The following RFX7 variants were observed in gnomAD, a reference collection of about 807,000 sequenced individuals.
RFX7 encodes the protein DNA-binding protein RFX7.
In RFX7, 26 loss-of-function variants were observed where a neutral mutation model predicts 111.8. That is an observed-to-expected ratio of 0.23 (90% confidence interval 0.17 to 0.32). The LOEUF is 0.32. Ranked by LOEUF, RFX7 falls within the 10% of genes least tolerant of loss-of-function variation. The pLI is 1.00. For synonymous variants in RFX7, 624 were observed against 624.4 expected (o/e 1.00, Z 0.01); for missense variants, 1,573 against 1,772.9 (o/e 0.89, Z 2.02).
chr15:56,237,670 A>G (rs2043639392), intron 2 of RFX7, among the ~76,000 whole-genome samples: 1 of 152,198 alleles, frequency 6.6e-6, no homozygotes, highest in African/African-American at 2.4e-5. Flanking sequence ...ACACCTTTCA[A>G]TGGAGAGAGC....
upstream of RFX7, chr15:56,243,903 C>T (rs2043765250): frequency 6.7e-6 from 1 of 149,188 alleles, no homozygotes; most frequent in African/African-American, 2.4e-5. Flanking sequence ...GCGCAGACCG[C>T]ACAACACCTA....
chr15:56,245,037 C>G (rs1017434872), upstream of RFX7, among the ~76,000 whole-genome samples: 1 of 152,154 alleles, frequency 6.6e-6, no homozygotes, highest in East Asian at 1.9e-4. Flanking sequence ...TCAGCTTTAA[C>G]TTTTCTGATA....
At chr15:56,099,697 T>A (rs1364642206) in intron 8 of RFX7, among the ~76,000 whole-genome samples, 1 of 151,734 alleles carries the variant, frequency 6.6e-6, no homozygotes, top group Non-Finnish European at 1.5e-5. Flanking sequence ...TTTTGAAAAA[T>A]ATAGTAAGGG....
chr15:56,175,958 T>A (rs1009998035), intron 3 of RFX7, among the ~76,000 whole-genome samples: 1 of 152,126 alleles, frequency 6.6e-6, no homozygotes, highest in Non-Finnish European at 1.5e-5. Flanking sequence ...TACTGAACTT[T>A]AGGTAGTAGT....
rs2041564005 is a variant in RFX7, at chr15:56,089,046, G to C, written c.*4299C>G. The C allele has an allele frequency of 6.6e-6, 1 of 152,118 alleles. No individual in the cohort carries two copies. The highest frequency in any genetic ancestry group is 1.5e-5 in the Non-Finnish European group (1 of 68,026). 9.4% of individuals were successfully genotyped at this position (152,118 alleles called of 1,614,324 possible). ...GAGCAAGTCCCTAATATCTTCCCTA[G>C]GTGATGGAACTCATTTAAGATGAAT... On this transcript the variant is annotated 3_prime_UTR_variant, in exon 10 of 10. Transcript: ENST00000559447.
chr15:56,165,962 C>A lies in RFX7; in HGVS notation c.195+13308G>T, dbSNP rs894432158. On this transcript the variant is annotated intron_variant, in intron 3 of 9. Transcript: ENST00000559447. ...TGTCACCCAGGCTGGAGTGCAGTGG[C>A]ACGTTCATGGCTCACTGCAGCCTTT... Among the ~76,000 whole-genome samples, 21 of 152,158 alleles carry A rather than the reference C, an allele frequency of 1.4e-4. 1 individual carries two copies. Among genetic ancestry groups the A allele is most frequent in the Non-Finnish European group, 1.5e-5 (1 of 68,034 alleles).
chr15:56,120,952 C>T (rs772991425), intron 5 of RFX7, among the ~76,000 whole-genome samples: 6 of 152,148 alleles, frequency 3.9e-5, no homozygotes, highest in Non-Finnish European at 7.4e-5. Context: ...TGTACTATGA[C>T]TTGAAAAGTT....
intron 5 of RFX7, among the ~76,000 whole-genome samples, chr15:56,131,140 T>C (rs1312226983): frequency 6.6e-6 from 1 of 151,982 alleles, no homozygotes; most frequent in Non-Finnish European, 1.5e-5. Context: ...CAGACCAAAT[T>C]CATTTATGAA....
Position 56,240,551 on chromosome 15 carries a change from A to G in RFX7, c.161+2574T>C, listed in dbSNP as rs1355559550. On this transcript the variant is annotated intron_variant, in intron 2 of 9. Transcript: ENST00000559447. Reference sequence around the variant, plus strand: ...CTGATAACTTATTGTCCAAAGGCCTACATCACATACTATATTTATATTTGT... The same window carrying G: ...CTGATAACTTATTGTCCAAAGGCCTGCATCACATACTATATTTATATTTGT... 2.0e-5 allele frequency among the ~76,000 whole-genome samples: 3 copies of G among 152,170 alleles called. No homozygotes were observed. In the East Asian group the frequency reaches 5.8e-4, roughly 29 times the overall value.
chr15:56,154,408 G>A (rs1476430095), intron 3 of RFX7, among the ~76,000 whole-genome samples: 4 of 151,866 alleles, frequency 2.6e-5, no homozygotes, highest in African/African-American at 7.3e-5. Flanking sequence ...TAACCAAACA[G>A]CATGGTACTG....
rs1240267752 is a variant in RFX7, at chr15:56,091,620, A to ATACTT, written c.*1720_*1724dup. The ATACTT allele has an allele frequency of 1.3e-5, 2 of 152,360 alleles. No homozygotes were observed. Among genetic ancestry groups the ATACTT allele is most frequent in the Non-Finnish European group, 2.9e-5 (2 of 67,980 alleles). The allele number at this position is 152,360 out of a possible 1,614,324, so 9.4% of individuals were successfully genotyped here. The stretch of plus-strand genomic sequence containing the variant: ...TCACACAGTTTCCTTTGGGTATTGC[A>ATACTT]TACTTTGGTGTGCAGTAGTGCTGTG... On this transcript the variant is annotated 3_prime_UTR_variant, in exon 10 of 10. Coordinates refer to ENST00000559447, the MANE Select transcript of RFX7 (RefSeq NM_022841.7).
chr15:56,141,656 AATAT>A lies in RFX7; in HGVS notation c.401+1118_401+1121del, dbSNP rs368258249. Among the ~76,000 whole-genome samples, 25 of 83,172 alleles carry A rather than the reference AATAT, an allele frequency of 3.0e-4. 2 individuals carry two copies. The highest frequency in any genetic ancestry group is 7.9e-4 in the African/African-American group (12 of 15,282). The allele number at this position is 83,172 out of a possible 152,430, so 54.6% of individuals were successfully genotyped here. On this transcript the variant is annotated intron_variant, in intron 5 of 9. Coordinates refer to ENST00000559447, the MANE Select transcript of RFX7 (RefSeq NM_022841.7). ...TAATGAAGAATCTATGCTTACTCTA[AATAT>A]ATATATATATATATATGCATATATG...
At chr15:56,132,855 A>T (rs2042237440) in intron 5 of RFX7, among the ~76,000 whole-genome samples, 1 of 152,140 alleles carries the variant, frequency 6.6e-6, no homozygotes, top group Non-Finnish European at 1.5e-5. Context: ...CAGCAATCCC[A>T]ATTTTGATAA....
At position 56,094,510 on chromosome 15, in the gene RFX7, C is replaced by G; in HGVS notation, c.3218G>C (p.Gly1073Ala). 1 of 1,613,932 alleles carries G rather than the reference C, an allele frequency of 6.2e-7. No homozygotes were observed. The highest frequency in any genetic ancestry group is 8.5e-7 in the Non-Finnish European group (1 of 1,179,866). ...ACCATGGCCAGAAACTGATGAATTA[C>G]CAACCCCACTATACCCATTATTCAT... ...EWMNNGYSGV[G>A]NSSVSGHGIL... Residue 1073 changes from glycine to alanine, a missense_variant, in exon 10 of 10, where the codon GGT becomes GCT. Coordinates refer to ENST00000559447, the MANE Select transcript of RFX7 (RefSeq NM_022841.7).
At chr15:56,194,679 G>A (rs2043131022) in intron 2 of RFX7, among the ~76,000 whole-genome samples, 1 of 151,634 alleles carries the variant, frequency 6.6e-6, no homozygotes, top group Non-Finnish European at 1.5e-5. Flanking sequence ...AAAAGGTGTA[G>A]CCAGAAAAAA....
chr15:56,192,907 G>C (rs1404013709), intron 2 of RFX7: 4 of 193,522 alleles, frequency 2.1e-5, no homozygotes, highest in African/African-American at 9.4e-5. Context: ...TGGAGAGCTT[G>C]ATTTTCACCT....
rs2041661117 is a variant in RFX7, at chr15:56,095,442, T to C, written c.2286A>G (p.Gly762=). Residue 762 remains glycine (G), a synonymous_variant, in exon 10 of 10, where the codon GGA becomes GGG. Coordinates refer to ENST00000559447, the MANE Select transcript of RFX7 (RefSeq NM_022841.7). ...SSPDIKVKLE[G]SVFLLDSDSK... ...AATCACTGTCCAAGAGAAAGACACT[T>C]CCTTCAAGTTTTACTTTTATATCTG... The C allele has an allele frequency of 6.2e-7, 1 of 1,612,522 alleles. No individual in the cohort carries two copies. The highest frequency in any genetic ancestry group is 1.1e-5 in the South Asian group (1 of 91,084).
At chr15:56,209,186 A>G (rs2141194423) in intron 2 of RFX7, among the ~76,000 whole-genome samples, 1 of 152,170 alleles carries the variant, frequency 6.6e-6, no homozygotes, top group African/African-American at 2.4e-5. Context: ...AAGCTAGAGG[A>G]AAAACATACC....
At position 56,209,299 on chromosome 15, in the gene RFX7, A is replaced by G. The variant is rs150995491; in HGVS notation, c.162-29996T>C. On this transcript the variant is annotated intron_variant, in intron 2 of 9. Coordinates refer to ENST00000559447, the MANE Select transcript of RFX7 (RefSeq NM_022841.7). Reference sequence around the variant, plus strand: ...TCGAGAGTGTCAAGAGAAAAAAAAAAAACCCAACCTAGAATACTAACACCT... The same window carrying G: ...TCGAGAGTGTCAAGAGAAAAAAAAAGAACCCAACCTAGAATACTAACACCT... Among the ~76,000 whole-genome samples, 542 of 152,062 alleles carry G rather than the reference A, an allele frequency of 3.6e-3. 3 individuals carry two copies. The highest frequency in any genetic ancestry group is 0.012 in the African/African-American group (514 of 41,552).
Sources: gnomAD v4.1 joint callset for allele counts (sites outside exome capture counted in the v4.1 genomes callset) on GRCh38, gnomAD v4.1.1 for gene constraint, MANE v1.5 for transcripts, NCBI Gene and HGNC (gene_info 2026-07-23, HGNC 2026-07-21) for gene names.